SLC44A3: variants seen among roughly 807,000 people sequenced by gnomAD.
SLC44A3 encodes the protein solute carrier family 44 member 3, also known as choline transporter-like protein 3.
In SLC44A3, 74 loss-of-function variants were observed where a neutral mutation model predicts 75.4. That is an observed-to-expected ratio of 0.98 (90% confidence interval 0.81 to 1.19). The LOEUF (loss-of-function observed/expected upper bound fraction) is 1.19. SLC44A3 is among the 50% of genes most tolerant of loss of function. SLC44A3 has a pLI of 0.00. For missense variants in SLC44A3, 700 were observed against 778.6 expected (o/e 0.90, Z 1.20); for synonymous variants, 310 against 296.9 (o/e 1.04, Z -0.45).
chr1:94,828,625 A>T, intron 5 of SLC44A3, 39 bp downstream of exon 5: 1 of 1,564,404 alleles, frequency 6.4e-7, no homozygotes, highest in Non-Finnish European at 8.8e-7. Flanking sequence ...TCTAAACAAA[A>T]GTTACTGGGT....
intron 2 of SLC44A3, among the ~76,000 whole-genome samples, chr1:94,822,198 C>A (rs972872354): frequency 3.9e-5 from 6 of 152,186 alleles, no homozygotes; most frequent in African/African-American, 1.2e-4. Flanking sequence ...CAACCTAGGA[C>A]CTCACTACCA....
At chr1:94,836,262 A>G (rs568882423) in intron 5 of SLC44A3, among the ~76,000 whole-genome samples, 23 of 152,236 alleles carry the variant, frequency 1.5e-4, no homozygotes, top group Admixed American at 3.9e-4. Flanking sequence ...GAAAGAAAGA[A>G]GAACAGGACC....
intron 12 of SLC44A3, among the ~76,000 whole-genome samples, chr1:94,879,527 G>A (rs538968872): frequency 1.3e-4 from 13 of 100,140 alleles, no homozygotes; most frequent in African/African-American, 2.4e-4. Flanking sequence ...GCGAGACTCC[G>A]TCTCAAAAAA....
intron 12 of SLC44A3, among the ~76,000 whole-genome samples, chr1:94,870,390 T>A (rs1327769159): frequency 6.6e-6 from 1 of 152,228 alleles, no homozygotes; most frequent in Admixed American, 6.5e-5. Context: ...CAGTAAGTGG[T>A]ATATGCATGA....
chr1:94,883,847 A>G (rs537991067), intron 12 of SLC44A3, among the ~76,000 whole-genome samples: 83 of 152,234 alleles, frequency 5.5e-4, no homozygotes, highest in African/African-American at 1.8e-3. Context: ...TTGTCCTTTT[A>G]TTTAAAATAC....
Position 94,892,410 on chromosome 1 carries a change from T to C in SLC44A3, c.1750T>C (p.Ser584Pro). The C allele has an allele frequency of 6.2e-7, 1 of 1,614,230 alleles. No individual in the cohort carries two copies. Among genetic ancestry groups the C allele is most frequent in the Non-Finnish European group, 8.5e-7 (1 of 1,180,050 alleles). The change falls in exon 14 of 15, where the codon TCT becomes CCT. Residue 584 changes from serine (S) to proline (P), a missense_variant. Coordinates refer to ENST00000271227, the MANE Select transcript of SLC44A3 (RefSeq NM_001114106.3). ...FAYLVAHSFL[S>P]VFETVLDALF... ...CTACTTAGTAGCCCATAGTTTTTTA[T>C]CTGTGTTTGAAACTGTGCTGGATGC...
intron 4 of SLC44A3, among the ~76,000 whole-genome samples, chr1:94,828,290 G>A (rs1661652222): frequency 6.6e-6 from 1 of 152,138 alleles, no homozygotes. Context: ...ATAACTTTTA[G>A]TTTTGAATTT....
At position 94,881,539 on chromosome 1, in the gene SLC44A3, C is replaced by T. The variant is rs907473398; in HGVS notation, c.1483-9591C>T. Among the ~76,000 whole-genome samples, 18 of 150,706 alleles carry T rather than the reference C, an allele frequency of 1.2e-4. No homozygotes were observed. The East Asian group carries it at 3.5e-3, about 30-fold the overall frequency. On this transcript the variant is annotated intron_variant, in intron 12 of 14. Transcript: ENST00000271227. ...CTAACATGGTGAAACCCCGTCTCTA[C>T]TAAAAATACAAAAAATTAGCCAGGC...
chr1:94,863,646 C>T (rs959986874), intron 10 of SLC44A3, among the ~76,000 whole-genome samples: 2 of 152,168 alleles, frequency 1.3e-5, no homozygotes, highest in African/African-American at 2.4e-5. Flanking sequence ...CAATAGCTTC[C>T]GTGGTTTTTC....
intron 12 of SLC44A3, among the ~76,000 whole-genome samples, chr1:94,884,341 A>C (rs1048935973): frequency 6.6e-6 from 1 of 152,136 alleles, no homozygotes; most frequent in Non-Finnish European, 1.5e-5. Flanking sequence ...CTCACTCCAC[A>C]TGTGTTTGTG....
intron 14 of SLC44A3, among the ~76,000 whole-genome samples, chr1:94,893,652 C>T (rs545559900): frequency 6.6e-6 from 1 of 152,124 alleles, no homozygotes; most frequent in Admixed American, 6.5e-5. Context: ...GCTGGGATTA[C>T]AGTTGTGAGC....
intron 12 of SLC44A3, among the ~76,000 whole-genome samples, chr1:94,873,433 T>A (rs1314791204): frequency 6.6e-6 from 1 of 152,172 alleles, no homozygotes; most frequent in Admixed American, 6.5e-5. Flanking sequence ...TCCCAGATAA[T>A]CTTGTGAAGG....
chr1:94,870,616 A>G (rs1479498144), intron 12 of SLC44A3, among the ~76,000 whole-genome samples: 2 of 152,160 alleles, frequency 1.3e-5, no homozygotes, highest in East Asian at 1.9e-4. Flanking sequence ...GCAATAAACT[A>G]TTTTGCCAGT....
chr1:94,837,768 A>G lies in SLC44A3; in HGVS notation c.567A>G (p.Leu189=). 6.2e-7 allele frequency: 1 copy of G among 1,611,458 alleles called. No homozygotes were observed. The highest frequency in any genetic ancestry group is 8.5e-7 in the Non-Finnish European group (1 of 1,179,106). ...CVPQTPECYS[L]FASVLINDVD... is the part of the protein sequence containing the mutation. ...CTCAAACACCTGAGTGCTACTCCCT[A>G]TTTGCATCTGTTTTGATAAATGATG... The change falls in exon 6 of 15, where the codon CTA becomes CTG. Residue 189 remains leucine (L), a synonymous_variant. Transcript: ENST00000271227.
intron 9 of SLC44A3, among the ~76,000 whole-genome samples, chr1:94,854,098 T>C (rs1178776275): frequency 1.3e-5 from 2 of 152,160 alleles, no homozygotes; most frequent in African/African-American, 4.8e-5. Flanking sequence ...GCTATGTGTA[T>C]TGCACTAAAA....
rs1664908928 is a variant in SLC44A3, at chr1:94,849,435, G to T, written c.1072+3971G>T. On this transcript the variant is annotated intron_variant, in intron 9 of 14. Coordinates refer to ENST00000271227, the MANE Select transcript of SLC44A3 (RefSeq NM_001114106.3). ...CCACCTGCCTGTGGCCGACCCAGGT[G>T]CACAGGGTCCCCTTTGTTCTCAGAG... Among the ~76,000 whole-genome samples the T allele has an allele frequency of 2.0e-5, 3 of 152,164 alleles. No homozygotes were observed. In the South Asian group the frequency reaches 6.2e-4, roughly 32 times the overall value.
rs556944104 is a variant in SLC44A3, at chr1:94,894,054, C to T, written c.1858-764C>T. Among the ~76,000 whole-genome samples, 266 of 152,132 alleles carry T rather than the reference C, an allele frequency of 1.7e-3. 2 individuals are homozygous for T. Among genetic ancestry groups the T allele is most frequent in the Non-Finnish European group, 3.0e-3 (203 of 67,994 alleles). On this transcript the variant is annotated intron_variant, in intron 14 of 14. Transcript: ENST00000271227. ...AGGTTGCAGTGAGCTGAGATGGCGCCATTGCACTCCAGCCTGGGCGACAGA... is the reference window on the plus strand; with the variant it reads ...AGGTTGCAGTGAGCTGAGATGGCGCTATTGCACTCCAGCCTGGGCGACAGA...
At chr1:94,893,144 G>A (rs1670407886) in intron 14 of SLC44A3, among the ~76,000 whole-genome samples, 1 of 152,184 alleles carries the variant, frequency 6.6e-6, no homozygotes, top group South Asian at 2.1e-4. Context: ...TGGGTAGACA[G>A]GGATATTTTA....
intron 12 of SLC44A3, among the ~76,000 whole-genome samples, chr1:94,889,524 TCACA>T (rs57397808): frequency 0.18 from 19,775 of 111,648 alleles, 1,415 homozygotes; most frequent in African/African-American, 0.19. Flanking sequence ...GTGAACATAA[TCACA>T]CACACACACA....
Sources: allele counts gnomAD v4.1 joint callset (sites outside exome capture counted in the v4.1 genomes callset), GRCh38; gene constraint gnomAD v4.1.1; transcripts MANE v1.5; gene names NCBI Gene and HGNC (gene_info 2026-07-23, HGNC 2026-07-21).